MYO7B: variants seen among roughly 807,000 people sequenced by gnomAD.
MYO7B encodes the protein unconventional myosin-VIIb.
A neutral mutation model predicts 259.7 loss-of-function variants in MYO7B; 212 were observed. That is an observed-to-expected ratio of 0.82 (90% CI 0.73 to 0.91). The LOEUF is 0.91. Among genes scored for constraint, MYO7B ranks in the 40% least tolerant of loss-of-function variants. The pLI is 0.00. For missense variants in MYO7B, 2,732 were observed against 2,813.5 expected, an observed-to-expected ratio of 0.97 and a Z score of 0.66; for synonymous variants, 1,197 against 1,166.4, an observed-to-expected ratio of 1.03 and a Z score of -0.54.
chr2:127,536,257 T>C (rs2104774056), intron 1 of MYO7B, among the ~76,000 whole-genome samples: 1 of 152,286 alleles, frequency 6.6e-6, no homozygotes, highest in South Asian at 2.1e-4. Context: ...TCCCACTGCG[T>C]CCTCGCAACA....
chr2:127,634,387 T>C, intron 41 of MYO7B, 98 bp downstream of exon 41: 2 of 1,036,564 alleles, frequency 1.9e-6, no homozygotes, highest in South Asian at 3.2e-5. Context: ...GGGGCACCCA[T>C]GCTGGACCAG....
Position 127,627,538 on chromosome 2 carries a change from G to T in MYO7B, c.4460+228G>T, listed in dbSNP as rs1427271244. On this transcript the variant is annotated intron_variant, in intron 33 of 47. Coordinates refer to ENST00000409816, the MANE Select transcript of MYO7B (RefSeq NM_001393586.1). The surrounding 1 kb of genome is among the most constrained non-coding windows in gnomAD (Gnocchi z 5.6). ...CATTGGGGCATCACGCGTTGCACTG[G>T]CAGCTTCTCTTTGAAACCCAGGTCC... 3 of 681,732 alleles carry T rather than the reference G, an allele frequency of 4.4e-6. No individual in the cohort carries two copies. The highest frequency in any genetic ancestry group is 7.9e-6 in the Non-Finnish European group (3 of 381,952). 42.2% of individuals were successfully genotyped at this position (681,732 alleles called of 1,614,324 possible).
intron 18 of MYO7B, among the ~76,000 whole-genome samples, chr2:127,595,356 T>C (rs557754966): frequency 6.6e-6 from 1 of 152,320 alleles, no homozygotes; most frequent in South Asian, 2.1e-4. Context: ...GATTCTTCTC[T>C]CTTTTCTTCT....
chr2:127,558,431 A>G (rs1677917533), intron 1 of MYO7B, among the ~76,000 whole-genome samples: 1 of 152,242 alleles, frequency 6.6e-6, no homozygotes, highest in African/African-American at 2.4e-5. Flanking sequence ...TATGCAAAAC[A>G]GTGTGGAGAT....
At position 127,625,479 on chromosome 2, in the gene MYO7B, T is replaced by C. The variant is rs1194407680; in HGVS notation, c.4159T>C (p.Tyr1387His). The C allele has an allele frequency of 6.2e-7, 1 of 1,612,090 alleles. No individual in the cohort carries two copies. Among genetic ancestry groups the C allele is most frequent in the Admixed American group, 1.7e-5 (1 of 59,912 alleles). The change falls in exon 31 of 48, where the codon TAC becomes CAC. Residue 1387 changes from tyrosine to histidine, a missense_variant. Tyr to His is a moderately conservative substitution (Grantham distance 83). Transcript: ENST00000409816. The stretch of plus-strand genomic sequence containing the variant: ...GCCCAGCTGCATCCCCCACAAGCTG[T>C]ACAGGACCAAGCCCCCAGACAGGTG... ...LLPSCIPHKL[Y>H]RTKPPDRWAS...
intron 10 of MYO7B, among the ~76,000 whole-genome samples, chr2:127,581,169 C>T (rs1023210963): frequency 1.3e-5 from 2 of 152,170 alleles, no homozygotes; most frequent in Non-Finnish European, 1.5e-5. Flanking sequence ...ATCAGACTAG[C>T]CCTGCCCTGT....
rs112061998 is a variant in MYO7B at position 127,631,093 on chromosome 2, G to A, written c.4938-113G>A. On this transcript the variant is annotated intron_variant, in intron 36 of 47. Transcript: ENST00000409816. ...CCAGGGGAGTCAGGAGGGGCTTGCGGCAGGGTGGGGTGCTCTGGCCCTCCC... is the reference window on the plus strand; with the variant it reads ...CCAGGGGAGTCAGGAGGGGCTTGCGACAGGGTGGGGTGCTCTGGCCCTCCC... The A allele has an allele frequency of 6.5e-4, 933 of 1,425,262 alleles. 7 individuals carry two copies. In the African/African-American group the frequency reaches 0.012, roughly 18 times the overall value. 88.3% of individuals were successfully genotyped at this position (1,425,262 alleles called of 1,614,324 possible).
chr2:127,545,323 G>T (rs907936768), intron 1 of MYO7B, among the ~76,000 whole-genome samples: 1 of 152,234 alleles, frequency 6.6e-6, no homozygotes, highest in Non-Finnish European at 1.5e-5. Context: ...GCATGGGCAG[G>T]CAGGGTCATC....
chr2:127,571,441 A>ATTTTTTT (rs1678601958), intron 6 of MYO7B, among the ~76,000 whole-genome samples: 2 of 17,626 alleles, frequency 1.1e-4, no homozygotes, highest in South Asian at 1.3e-3. Flanking sequence ...CTTACCAGTG[A>ATTTTTTT]GTTTTTTTTT....
chr2:127,610,009 C>G lies in MYO7B; in HGVS notation c.3185C>G (p.Ser1062Cys). ...GCCCAGGTTCCACAGCACAGTAGAT[C>G]TGCACAGGCAAGTGGGGGGCAGCAG... ...HGAQVPQHSRSAQRSGCKDKG... is the reference protein window; with the variant it reads ...HGAQVPQHSRCAQRSGCKDKG... The change falls in exon 24 of 48, where the codon TCT becomes TGT. Residue 1062 changes from serine (S) to cysteine (C), a missense_variant. Coordinates refer to ENST00000409816, the MANE Select transcript of MYO7B (RefSeq NM_001393586.1). 1 of 1,609,370 alleles carries G rather than the reference C, an allele frequency of 6.2e-7. No homozygotes were observed. The highest frequency in any genetic ancestry group is 8.5e-7 in the Non-Finnish European group (1 of 1,178,266).
chr2:127,610,937 C>T (rs937052733), intron 24 of MYO7B, among the ~76,000 whole-genome samples: 2 of 152,252 alleles, frequency 1.3e-5, no homozygotes, highest in South Asian at 4.1e-4. Flanking sequence ...ATTACCCCCC[C>T]CAAACCTAAC....
At position 127,624,100 on chromosome 2, in the gene MYO7B, C is replaced by T. The variant is rs1472497454; in HGVS notation, c.3827C>T (p.Ser1276Phe). The change falls in exon 30 of 48, where the codon TCC (serine) becomes TTC (phenylalanine). Residue 1276 changes from serine to phenylalanine, a missense_variant. Around this residue, in one of 3 missense-constraint regions of MYO7B, gnomAD observed 1,906 missense variants for 2,026.4 expected, o/e 0.94. Coordinates refer to ENST00000409816, the MANE Select transcript of MYO7B (RefSeq NM_001393586.1). The part of the protein sequence containing the change: ...LQVAVYDKFW[S>F]LGSGRDHMMD... ...CCCCGACTCTGGCCTCAGTTCTGGT[C>T]CCTGGGCAGCGGGCGCGACCACATG... 1.9e-6 allele frequency: 3 copies of T among 1,566,006 alleles called. No homozygotes were observed. Among genetic ancestry groups the T allele is most frequent in the African/African-American group, 2.7e-5 (2 of 73,648 alleles).
chr2:127,630,677 ACCC>A, intron 35 of MYO7B, 98 bp from the exon 36 acceptor site: 7 of 1,537,916 alleles, frequency 4.6e-6, no homozygotes, highest in Non-Finnish European at 6.2e-6. Flanking sequence ...CCTGGGCCTG[ACCC>A]CTCCCAAGTC....
At chr2:127,542,616 G>A (rs550873655) in intron 1 of MYO7B, among the ~76,000 whole-genome samples, 56 of 152,302 alleles carry the variant, frequency 3.7e-4, no homozygotes, top group East Asian at 5.8e-4. Context: ...GGTGCTTCTC[G>A]TCAGGTGGAA....
chr2:127,602,819 T>C (rs557151986), intron 19 of MYO7B, among the ~76,000 whole-genome samples: 1 of 152,176 alleles, frequency 6.6e-6, no homozygotes, highest in African/African-American at 2.4e-5. Flanking sequence ...AGCAACATGG[T>C]GAAACCTCAT....
In MYO7B at chr2:127,585,525, C is replaced by A. The variant is rs1679269895; in HGVS notation, c.1690+612C>A. Among the ~76,000 whole-genome samples, 1 of 152,190 alleles carries A rather than the reference C, an allele frequency of 6.6e-6. No individual in the cohort carries two copies. ...TCCACTTTTTGCCTATTATGAATAA[C>A]ACAGCTATGAACACCCATGTACAAG... is the stretch of plus-strand genomic sequence containing the variant. On this transcript the variant is annotated intron_variant, in intron 14 of 47. Transcript: ENST00000409816. This position sits in a 1 kb window ranked among gnomAD's most constrained non-coding sequence, Gnocchi z 4.3.
intron 40 of MYO7B, among the ~76,000 whole-genome samples, 196 bp from the exon 41 acceptor site, chr2:127,633,980 C>A (rs1681658047): frequency 6.6e-6 from 1 of 152,252 alleles, no homozygotes; most frequent in South Asian, 2.1e-4. Flanking sequence ...TGCAGGGCCC[C>A]AGGACAGCGA....
chr2:127,634,305 G>C lies in MYO7B; in HGVS notation c.5625+16G>C, dbSNP rs779825003. ...TTCAGACAAGGTGGGCCGGGCTGGG[G>C]CTGGGCAGACGGTGGGCGGACGGGC... On this transcript the variant is annotated intron_variant, in intron 41 of 47. Coordinates refer to ENST00000409816, the MANE Select transcript of MYO7B (RefSeq NM_001393586.1). 9 of 1,545,988 alleles carry C rather than the reference G, an allele frequency of 5.8e-6. No individual in the cohort carries two copies. Among genetic ancestry groups the C allele is most frequent in the South Asian group, 1.2e-5 (1 of 83,588 alleles).
rs1679327689 is a variant in MYO7B, at chr2:127,586,937, C to G, written c.1691-1455C>G. Among the ~76,000 whole-genome samples the G allele has an allele frequency of 6.6e-6, 1 of 152,030 alleles. No individual in the cohort carries two copies. Among genetic ancestry groups the G allele is most frequent in the African/African-American group, 2.4e-5 (1 of 41,396 alleles). ...GGTGCAAGGTGTCACCGAGTGTCCA[C>G]CCCCTGCCCAGCACCCAGTGCAGCC... On this transcript the variant is annotated intron_variant, in intron 14 of 47. Coordinates refer to ENST00000409816, the MANE Select transcript of MYO7B (RefSeq NM_001393586.1). This position sits in a 1 kb window ranked among gnomAD's most constrained non-coding sequence, Gnocchi z 4.8.
Sources: allele counts gnomAD v4.1 joint callset (sites outside exome capture counted in the v4.1 genomes callset), GRCh38; gene constraint gnomAD v4.1.1; regional missense constraint gnomAD v4.1.1; non-coding constraint Gnocchi (gnomAD v3.1); transcripts MANE v1.5; gene names NCBI Gene and HGNC (gene_info 2026-07-23, HGNC 2026-07-21).